The following THAP11 variants were observed in gnomAD, a reference collection of about 807,000 sequenced individuals.
THAP11 encodes the protein THAP domain-containing protein 11.
A neutral mutation model predicts 24.1 loss-of-function variants in THAP11; 8 were observed. That is an observed-to-expected ratio of 0.33 (90% CI 0.20 to 0.60). THAP11 has a LOEUF of 0.60. Ranked by LOEUF, THAP11 falls within the 20% of genes least tolerant of loss-of-function variation. THAP11 has a pLI of 0.82. For missense variants in THAP11, 276 were observed against 418.4 expected (o/e 0.66, Z 2.97); for synonymous variants, 222 against 180.2 (o/e 1.23, Z -1.86).
At position 67,844,105 on chromosome 16, in the gene THAP11, T is replaced by C. The variant is rs2057782354; in HGVS notation, c.*606T>C. 1 of 166,998 alleles carries C rather than the reference T, an allele frequency of 6.0e-6. No homozygotes were observed. Among genetic ancestry groups the C allele is most frequent in the Non-Finnish European group, 1.5e-5 (1 of 68,124 alleles). The allele number at this position is 166,998 out of a possible 1,614,324, so 10.3% of individuals were successfully genotyped here. A position where few individuals can be genotyped will look rare whatever the true frequency, so the allele number is the denominator to read the frequency against. On this transcript the variant is annotated 3_prime_UTR_variant, in exon 1 of 1. Coordinates refer to ENST00000303596, the MANE Select transcript of THAP11 (RefSeq NM_020457.3). Reference sequence around the variant, plus strand: ...TTTATCCTGTTTTGTTTGCTACTGGTTACAAATTCTATTTTCTGTACAATT... The same window carrying C: ...TTTATCCTGTTTTGTTTGCTACTGGCTACAAATTCTATTTTCTGTACAATT...
rs2057779468 is a variant in THAP11 at position 67,843,588 on chromosome 16, A to T, written c.*89A>T. The T allele has an allele frequency of 7.4e-7, 1 of 1,345,322 alleles. No individual in the cohort carries two copies. Among genetic ancestry groups the T allele is most frequent in the Non-Finnish European group, 1.0e-6 (1 of 986,766 alleles). The allele number at this position is 1,345,322 out of a possible 1,614,324, so 83.3% of individuals were successfully genotyped here. A position where few individuals can be genotyped will look rare whatever the true frequency, so the allele number is the denominator to read the frequency against. On this transcript the variant is annotated 3_prime_UTR_variant, in exon 1 of 1. Transcript: ENST00000303596. The surrounding 1 kb of genome is among the most constrained non-coding windows in gnomAD (Gnocchi z 5.7). ...GTTGAACTCCTCTATACTCCTGGGC[A>T]CTGGTTGACAGTACTGAGGCTTAAG...
In THAP11 at chr16:67,843,462, T is replaced by G; in HGVS notation, c.908T>G (p.Leu303Arg). 1 of 1,613,266 alleles carries G rather than the reference T, an allele frequency of 6.2e-7. No individual in the cohort carries two copies. The highest frequency in any genetic ancestry group is 1.3e-5 in the African/African-American group (1 of 75,058). Residue 303 changes from leucine (L) to arginine (R), a missense_variant, in exon 1 of 1, where the codon CTT becomes CGT. Physicochemically the swap from Leu to Arg is moderately radical, Grantham distance 102 (BLOSUM62 -2). This residue lies in a region of THAP11 where 38 missense variants were observed against 95.9 expected (regional missense o/e 0.40). Coordinates refer to ENST00000303596, the MANE Select transcript of THAP11 (RefSeq NM_020457.3). This position sits in a 1 kb window ranked among gnomAD's most constrained non-coding sequence, Gnocchi z 5.7. ...GAACTGCGTGAGAAGGATCGGCTGC[T>G]TGCCATGGCTGTCATCCGCAAGAAG... is the stretch of plus-strand genomic sequence containing the variant. ...REELREKDRL[L>R]AMAVIRKKHG...
In THAP11 at chr16:67,843,544, C is replaced by A; in HGVS notation, c.*45C>A. The A allele has an allele frequency of 6.4e-7, 1 of 1,561,196 alleles. No homozygotes were observed. The highest frequency in any genetic ancestry group is 1.8e-5 in the Admixed American group (1 of 55,184). ...GCTGGACTCCCAGACCCCATCCAGC[C>A]AGGGGACCGCAGGCCATTGTTGAAC... On this transcript the variant is annotated 3_prime_UTR_variant, in exon 1 of 1. Coordinates refer to ENST00000303596, the MANE Select transcript of THAP11 (RefSeq NM_020457.3). The surrounding 1 kb of genome is among the most constrained non-coding windows in gnomAD (Gnocchi z 5.7).
chr16:67,842,841 G>C lies in THAP11; in HGVS notation c.287G>C (p.Gly96Ala). The C allele has an allele frequency of 6.2e-7, 1 of 1,607,726 alleles. No individual in the cohort carries two copies. The highest frequency in any genetic ancestry group is 8.5e-7 in the Non-Finnish European group (1 of 1,179,022). The change falls in exon 1 of 1, where the codon GGG becomes GCG. Residue 96 changes from glycine to alanine, a missense_variant. Transcript: ENST00000303596. The surrounding 1 kb of genome is among the most constrained non-coding windows in gnomAD (Gnocchi z 4.9). ...NERKVARRPA[G>A]AAAARRRQQQ... is the part of the protein sequence containing the mutation. ...CGCAAAGTAGCGCGCAGACCCGCTG[G>C]GGCCGCGGCCGCCCGCCGCAGGCAG...
rs780393781 is a variant in THAP11 at position 67,842,535 on chromosome 16, C to T, written c.-20C>T. ...GAGCGCAGGAGGCCGGTGGGCCGGG[C>T]CGGGCCGCGCGGCGCAGCCATGCCT... On this transcript the variant is annotated 5_prime_UTR_variant, in exon 1 of 1. Coordinates refer to ENST00000303596, the MANE Select transcript of THAP11 (RefSeq NM_020457.3). This position sits in a 1 kb window ranked among gnomAD's most constrained non-coding sequence, Gnocchi z 4.9. 13 of 1,490,072 alleles carry T rather than the reference C, an allele frequency of 8.7e-6. No individual in the cohort carries two copies. The highest frequency in any genetic ancestry group is 5.2e-5 in the South Asian group (4 of 76,268). 92.3% of individuals were successfully genotyped at this position (1,490,072 alleles called of 1,614,324 possible). A position where few individuals can be genotyped will look rare whatever the true frequency, so the allele number is the denominator to read the frequency against.
Position 67,842,919 on chromosome 16 carries a change from AAC to A in THAP11, c.367_368del (p.Gln123AlafsTer116). ...CAGCAGCAACAGCAGCAGCAGCAGC[AAC>A]AGCAGCAGCAGCAGCAGCAGCAGCA... On this transcript the variant is annotated frameshift_variant, in exon 1 of 1. Transcript: ENST00000303596. LOFTEE classifies it high-confidence loss of function. This position sits in a 1 kb window ranked among gnomAD's most constrained non-coding sequence, Gnocchi z 4.9. 2 of 1,566,130 alleles carry A rather than the reference AAC, an allele frequency of 1.3e-6. No individual in the cohort carries two copies. Among genetic ancestry groups the A allele is most frequent in the South Asian group, 2.3e-5 (2 of 87,002 alleles).
Position 67,843,118 on chromosome 16 carries a change from C to A in THAP11, c.564C>A (p.Ile188=). ...CCACTGGAGAAGACGTGAAGCCCAT[C>A]GATCTCACAGTGCAAGTGGAGTTTG... The part of the protein sequence containing the change: ...ITPTGEDVKP[I]DLTVQVEFAA... The change falls in exon 1 of 1, where the codon ATC becomes ATA. Residue 188 remains isoleucine, a synonymous_variant. Transcript: ENST00000303596. This position sits in a 1 kb window ranked among gnomAD's most constrained non-coding sequence, Gnocchi z 5.7. The A allele has an allele frequency of 6.2e-7, 1 of 1,610,570 alleles. No individual in the cohort carries two copies.
In THAP11 at chr16:67,843,944, C is replaced by T. The variant is rs560952417; in HGVS notation, c.*445C>T. ...CTCCTCCTTTTCATGCTTTTCCTTCCCAGGTGCAGCCTGTGATTCTGATGG... is the reference window on the plus strand; with the variant it reads ...CTCCTCCTTTTCATGCTTTTCCTTCTCAGGTGCAGCCTGTGATTCTGATGG... On this transcript the variant is annotated 3_prime_UTR_variant, in exon 1 of 1. Coordinates refer to ENST00000303596, the MANE Select transcript of THAP11 (RefSeq NM_020457.3). The surrounding 1 kb of genome is among the most constrained non-coding windows in gnomAD (Gnocchi z 5.7). 5.9e-6 allele frequency: 1 copy of T among 170,010 alleles called. No homozygotes were observed. The highest frequency in any genetic ancestry group is 2.0e-4 in the South Asian group (1 of 5,060). 10.5% of individuals were successfully genotyped at this position (170,010 alleles called of 1,614,324 possible).
chr16:67,842,787 C>G lies in THAP11; in HGVS notation c.233C>G (p.Thr78Ser). The change falls in exon 1 of 1, where the codon ACC becomes AGC. Residue 78 changes from threonine to serine, a missense_variant. This residue lies in a region of THAP11 where 28 missense variants were observed against 119.1 expected (regional missense o/e 0.24). Transcript: ENST00000303596. The surrounding 1 kb of genome is among the most constrained non-coding windows in gnomAD (Gnocchi z 4.9). ...AAGACCTACACGGTACGCGTCCCCACCATCTTCCCGCTGCGCGGCGTCAAT... is the reference window on the plus strand; with the variant it reads ...AAGACCTACACGGTACGCGTCCCCAGCATCTTCCCGCTGCGCGGCGTCAAT... ...GRKTYTVRVP[T>S]IFPLRGVNER... The G allele has an allele frequency of 1.2e-6, 2 of 1,611,320 alleles. No individual in the cohort carries two copies. The highest frequency in any genetic ancestry group is 1.7e-5 in the Admixed American group (1 of 59,764).
chr16:67,843,181 G>C lies in THAP11; in HGVS notation c.627G>C (p.Ser209=). 8 of 1,611,152 alleles carry C rather than the reference G, an allele frequency of 5.0e-6. No individual in the cohort carries two copies. The highest frequency in any genetic ancestry group is 6.8e-6 in the Non-Finnish European group (8 of 1,179,628). Residue 209 remains serine, a synonymous_variant, in exon 1 of 1, where the codon TCG becomes TCC. Transcript: ENST00000303596. The surrounding 1 kb of genome is among the most constrained non-coding windows in gnomAD (Gnocchi z 5.7). The part of the protein sequence containing the change: ...AEGAAAAAAA[S]ELQAATAGLE... ...GCGCAGCCGCTGCGGCCGCCGCGTCGGAGTTACAGGCTGCTACCGCAGGGC... is the reference window on the plus strand; with the variant it reads ...GCGCAGCCGCTGCGGCCGCCGCGTCCGAGTTACAGGCTGCTACCGCAGGGC...
In THAP11 at chr16:67,843,389, A is replaced by T; in HGVS notation, c.835A>T (p.Lys279Ter). 1 of 1,614,038 alleles carries T rather than the reference A, an allele frequency of 6.2e-7. No individual in the cohort carries two copies. Among genetic ancestry groups the T allele is most frequent in the Non-Finnish European group, 8.5e-7 (1 of 1,180,038 alleles). ...ALMEVKMKEM[K>*]GSIRHLRLTE... ...GATGGAAGTGAAGATGAAAGAGATG[A>T]AAGGCAGCATTCGCCACCTGCGTCT... Residue 279 changes from lysine to a stop codon, truncating the protein, a stop_gained, in exon 1 of 1, where the codon AAA (lysine) becomes TAA (stop). Transcript: ENST00000303596. LOFTEE classifies it high-confidence loss of function. The surrounding 1 kb of genome is among the most constrained non-coding windows in gnomAD (Gnocchi z 5.7).
In THAP11 at chr16:67,842,704, C is replaced by G. The variant is rs1332051130; in HGVS notation, c.150C>G (p.Ser50=). 1 of 1,600,362 alleles carries G rather than the reference C, an allele frequency of 6.2e-7. No individual in the cohort carries two copies. Among genetic ancestry groups the G allele is most frequent in the Non-Finnish European group, 8.5e-7 (1 of 1,173,462 alleles). The change falls in exon 1 of 1, where the codon TCC becomes TCG. Residue 50 remains serine (S), a synonymous_variant. Transcript: ENST00000303596. The surrounding 1 kb of genome is among the most constrained non-coding windows in gnomAD (Gnocchi z 4.9). ...GTGCCGGCGTCAGTGGGTGCTTCTC[C>G]ACCTTCCAGCCCACCACAGGCCACC... ...VSRAGVSGCF[S]TFQPTTGHRL... is the part of the protein sequence containing the mutation.
At position 67,843,622 on chromosome 16, in the gene THAP11, ACT is replaced by A. The variant is rs1567374949; in HGVS notation, c.*128_*129del. 4 of 1,005,830 alleles carry A rather than the reference ACT, an allele frequency of 4.0e-6. No homozygotes were observed. Among genetic ancestry groups the A allele is most frequent in the Admixed American group, 6.1e-5 (2 of 32,982 alleles). 62.3% of individuals were successfully genotyped at this position (1,005,830 alleles called of 1,614,324 possible). A position where few individuals can be genotyped will look rare whatever the true frequency, so the allele number is the denominator to read the frequency against. On this transcript the variant is annotated 3_prime_UTR_variant, in exon 1 of 1. Transcript: ENST00000303596. This position sits in a 1 kb window ranked among gnomAD's most constrained non-coding sequence, Gnocchi z 5.7. Reference sequence around the variant, plus strand: ...CAGTACTGAGGCTTAAGGCAGCTGGACTCTCTTGCTGGTGACCTGGCATCCTC... The same window carrying A: ...CAGTACTGAGGCTTAAGGCAGCTGGACTCTTGCTGGTGACCTGGCATCCTC...
rs2151289295 is a variant in THAP11 at position 67,842,439 on chromosome 16, A to T, written c.-116A>T. The T allele has an allele frequency of 1.4e-6, 1 of 735,032 alleles. No homozygotes were observed. Among genetic ancestry groups the T allele is most frequent in the Non-Finnish European group, 1.8e-6 (1 of 547,904 alleles). 45.5% of individuals were successfully genotyped at this position (735,032 alleles called of 1,614,324 possible). A position where few individuals can be genotyped will look rare whatever the true frequency, so the allele number is the denominator to read the frequency against. ...GGCTGCGCCGAGCGGCAGTGGTGGG[A>T]TACCACCCAAGGCCTCGCGCGGCGC... On this transcript the variant is annotated 5_prime_UTR_variant, in exon 1 of 1. Transcript: ENST00000303596. This position sits in a 1 kb window ranked among gnomAD's most constrained non-coding sequence, Gnocchi z 4.9.
chr16:67,843,301 G>C lies in THAP11; in HGVS notation c.747G>C (p.Ser249=). 6.2e-7 allele frequency: 1 copy of C among 1,613,882 alleles called. No homozygotes were observed. The highest frequency in any genetic ancestry group is 2.2e-5 in the East Asian group (1 of 44,882). ...DTGSDHSYSL[S]SGTTEEELLR... is the part of the protein sequence containing the mutation. Reference sequence around the variant, plus strand: ...GCTCCGACCATTCGTACTCCTTGTCGTCAGGCACCACGGAGGAGGAGCTCC... The same window carrying C: ...GCTCCGACCATTCGTACTCCTTGTCCTCAGGCACCACGGAGGAGGAGCTCC... The change falls in exon 1 of 1, where the codon TCG becomes TCC. Residue 249 remains serine (S), a synonymous_variant. Coordinates refer to ENST00000303596, the MANE Select transcript of THAP11 (RefSeq NM_020457.3). This position sits in a 1 kb window ranked among gnomAD's most constrained non-coding sequence, Gnocchi z 5.7.
In THAP11 at chr16:67,842,535, C is replaced by A; in HGVS notation, c.-20C>A. 6.7e-7 allele frequency: 1 copy of A among 1,490,184 alleles called. No homozygotes were observed. Among genetic ancestry groups the A allele is most frequent in the Non-Finnish European group, 9.0e-7 (1 of 1,117,216 alleles). The allele number at this position is 1,490,184 out of a possible 1,614,324, so 92.3% of individuals were successfully genotyped here. On this transcript the variant is annotated 5_prime_UTR_variant, in exon 1 of 1. Transcript: ENST00000303596. This position sits in a 1 kb window ranked among gnomAD's most constrained non-coding sequence, Gnocchi z 4.9. ...GAGCGCAGGAGGCCGGTGGGCCGGG[C>A]CGGGCCGCGCGGCGCAGCCATGCCT...
rs528290748 is a variant in THAP11, at chr16:67,844,021, C to T, written c.*522C>T. On this transcript the variant is annotated 3_prime_UTR_variant, in exon 1 of 1. Coordinates refer to ENST00000303596, the MANE Select transcript of THAP11 (RefSeq NM_020457.3). Reference sequence around the variant, plus strand: ...CCTAGGACTTATTTTCCCAGGAGGCCATTTACAAGGGGATCTGGATGACCT... The same window carrying T: ...CCTAGGACTTATTTTCCCAGGAGGCTATTTACAAGGGGATCTGGATGACCT... 6 of 167,490 alleles carry T rather than the reference C, an allele frequency of 3.6e-5. No homozygotes were observed. Among genetic ancestry groups the T allele is most frequent in the African/African-American group, 1.4e-4 (6 of 41,562 alleles). The allele number at this position is 167,490 out of a possible 1,614,324, so 10.4% of individuals were successfully genotyped here. A position where few individuals can be genotyped will look rare whatever the true frequency, so the allele number is the denominator to read the frequency against.
chr16:67,844,121 C>T lies in THAP11; in HGVS notation c.*622C>T. 1.2e-5 allele frequency: 2 copies of T among 167,028 alleles called. No individual in the cohort carries two copies. The allele number at this position is 167,028 out of a possible 1,614,324, so 10.3% of individuals were successfully genotyped here. On this transcript the variant is annotated 3_prime_UTR_variant, in exon 1 of 1. Coordinates refer to ENST00000303596, the MANE Select transcript of THAP11 (RefSeq NM_020457.3). ...TGCTACTGGTTACAAATTCTATTTT[C>T]TGTACAATTAGTCAGACTAAAGTTT... is the stretch of plus-strand genomic sequence containing the variant.
chr16:67,842,454 TCGCGCGGCGCCGCCCGTCGAGGGG>T lies in THAP11; in HGVS notation c.-98_-75del, dbSNP rs1490774928. 1.0e-6 allele frequency: 1 copy of T among 984,528 alleles called. No homozygotes were observed. Among genetic ancestry groups the T allele is most frequent in the Non-Finnish European group, 1.3e-6 (1 of 765,654 alleles). 61.0% of individuals were successfully genotyped at this position (984,528 alleles called of 1,614,324 possible). A position where few individuals can be genotyped will look rare whatever the true frequency, so the allele number is the denominator to read the frequency against. ...CAGTGGTGGGATACCACCCAAGGCC[TCGCGCGGCGCCGCCCGTCGAGGGG>T]CGGGCGGCGGCGTAGCCACTGGGCC... On this transcript the variant is annotated 5_prime_UTR_variant, in exon 1 of 1. Transcript: ENST00000303596. The surrounding 1 kb of genome is among the most constrained non-coding windows in gnomAD (Gnocchi z 4.9).
Sources: gnomAD v4.1 joint callset for allele counts on GRCh38, gnomAD v4.1.1 for gene constraint, gnomAD v4.1.1 regional missense constraint, Gnocchi (gnomAD v3.1) non-coding constraint, MANE v1.5 for transcripts, NCBI Gene and HGNC (gene_info 2026-07-23, HGNC 2026-07-21) for gene names.